ADGRL3: variants seen among roughly 807,000 people sequenced by gnomAD.
The protein encoded by ADGRL3 is adhesion G protein-coupled receptor L3.
Under a neutral mutation model 153.5 loss-of-function variants are expected in ADGRL3, and 62 were observed. That is an observed-to-expected ratio of 0.40 (90% confidence interval 0.33 to 0.50). The LOEUF (loss-of-function observed/expected upper bound fraction) is 0.50, where lower values mean the gene tolerates loss of function less well. Ranked by LOEUF, ADGRL3 falls within the 20% of genes least tolerant of loss-of-function variation. ADGRL3 has a pLI of 0.47. For synonymous variants in ADGRL3, 710 were observed against 672.5 expected (o/e 1.06, Z -0.86); for missense variants, 1,641 against 1,859.4 (o/e 0.88, Z 2.16).
intron 17 of ADGRL3, among the ~76,000 whole-genome samples, chr4:61,951,010 G>T (rs964379609): frequency 6.6e-6 from 1 of 152,066 alleles, no homozygotes; most frequent in Non-Finnish European, 1.5e-5. Context: ...GTGAACTGAA[G>T]AACTTATTAG....
chr4:61,372,245 C>G (rs181367512), intron 1 of ADGRL3, among the ~76,000 whole-genome samples: 2 of 152,190 alleles, frequency 1.3e-5, no homozygotes, highest in Non-Finnish European at 2.9e-5. Context: ...AAGTCATTCT[C>G]CGTCCAGCTT....
At chr4:61,695,215 G>T (rs1389473593) in intron 6 of ADGRL3, among the ~76,000 whole-genome samples, 1 of 152,054 alleles carries the variant, frequency 6.6e-6, no homozygotes, top group Non-Finnish European at 1.5e-5. Context: ...TCACATCAGA[G>T]AAATCACTGT....
intron 24 of ADGRL3, among the ~76,000 whole-genome samples, chr4:62,040,875 G>C (rs1234268568): frequency 6.6e-6 from 1 of 152,012 alleles, no homozygotes. Context: ...CAAAGTCTGA[G>C]TTACAAGATT....
At chr4:61,491,225 G>A (rs185668034) in intron 2 of ADGRL3, among the ~76,000 whole-genome samples, 16 of 152,148 alleles carry the variant, frequency 1.1e-4, no homozygotes, top group Admixed American at 4.6e-4. Context: ...CTGTCACTTC[G>A]TAGGGCATGG....
chr4:61,733,187 T>C lies in ADGRL3; in HGVS notation c.1032T>C (p.Tyr344=), dbSNP rs1470870195. 2 of 1,613,384 alleles carry C rather than the reference T, an allele frequency of 1.2e-6. No homozygotes were observed. The highest frequency in any genetic ancestry group is 3.3e-5 in the Admixed American group (2 of 59,822). ...AVDENGLWVI[Y]ATEQNNGKIV... is the part of the protein sequence containing the mutation. ...ATGAGAATGGGCTATGGGTAATCTATGCAACAGAACAAAACAATGGTAAAA... is the reference window on the plus strand; with the variant it reads ...ATGAGAATGGGCTATGGGTAATCTACGCAACAGAACAAAACAATGGTAAAA... The change falls in exon 8 of 27, where the codon TAT becomes TAC. Residue 344 remains tyrosine, a synonymous_variant. Transcript: ENST00000683033.
At chr4:61,470,701 A>G (rs900909967) in intron 2 of ADGRL3, among the ~76,000 whole-genome samples, 1 of 151,960 alleles carries the variant, frequency 6.6e-6, no homozygotes, top group Non-Finnish European at 1.5e-5. Context: ...GTTCTGTGCT[A>G]TGGTACAATT....
At chr4:61,421,130 C>A (rs886788416) in intron 2 of ADGRL3, among the ~76,000 whole-genome samples, 1 of 152,142 alleles carries the variant, frequency 6.6e-6, no homozygotes, top group East Asian at 1.9e-4. Flanking sequence ...GTCAGGAGAT[C>A]GAGACCATCC....
At chr4:61,335,134 A>AT (rs1452404260) in intron 1 of ADGRL3, among the ~76,000 whole-genome samples, 2 of 152,140 alleles carry the variant, frequency 1.3e-5, no homozygotes, top group African/African-American at 2.4e-5. Context: ...AATTAATAAA[A>AT]TGTTGCGTTA....
At chr4:61,703,100 T>C (rs2095797512) in intron 6 of ADGRL3, among the ~76,000 whole-genome samples, 1 of 152,170 alleles carries the variant, frequency 6.6e-6, no homozygotes, top group South Asian at 2.1e-4. Flanking sequence ...CTTTGTATTT[T>C]ATTATACTAT....
chr4:61,259,247 C>T (rs1365852864), intron 1 of ADGRL3, among the ~76,000 whole-genome samples: 1 of 151,976 alleles, frequency 6.6e-6, no homozygotes, highest in African/African-American at 2.4e-5. Context: ...CACAGTGAAA[C>T]CCCGTCTCTA....
chr4:61,370,260 G>A (rs1465613348), intron 1 of ADGRL3, among the ~76,000 whole-genome samples: 1 of 144,780 alleles, frequency 6.9e-6, no homozygotes, highest in Non-Finnish European at 1.5e-5. Context: ...GTTATTTCTT[G>A]CCTTCTGCTA....
intron 2 of ADGRL3, among the ~76,000 whole-genome samples, chr4:61,493,672 T>G (rs1260348703): frequency 6.6e-6 from 1 of 152,200 alleles, no homozygotes; most frequent in Non-Finnish European, 1.5e-5. Flanking sequence ...CTTCTCTGCG[T>G]GCTTTCCTGC....
intron 1 of ADGRL3, among the ~76,000 whole-genome samples, chr4:61,254,161 A>G (rs1372697416): frequency 2.6e-5 from 4 of 152,152 alleles, no homozygotes; most frequent in Non-Finnish European, 5.9e-5. Context: ...GAGTTCATTT[A>G]CATTCAGCAT....
chr4:61,828,928 C>A (rs1169734288), intron 9 of ADGRL3, among the ~76,000 whole-genome samples: 1 of 152,184 alleles, frequency 6.6e-6, no homozygotes, highest in East Asian at 1.9e-4. Flanking sequence ...TTCTCCTCTT[C>A]CCTTACCATT....
intron 2 of ADGRL3, among the ~76,000 whole-genome samples, chr4:61,440,895 G>A (rs2097522252): frequency 6.6e-6 from 1 of 152,092 alleles, no homozygotes; most frequent in African/African-American, 2.4e-5. Context: ...GTACCCTTTG[G>A]TTTAAATATG....
chr4:61,858,849 G>GTTTCT (rs2098309645), intron 9 of ADGRL3, among the ~76,000 whole-genome samples: 1 of 152,072 alleles, frequency 6.6e-6, no homozygotes, highest in South Asian at 2.1e-4. Flanking sequence ...ACTTAGAAAT[G>GTTTCT]GGAGTTTTCT....
At chr4:61,851,518 A>T (rs1409269273) in intron 9 of ADGRL3, among the ~76,000 whole-genome samples, 1 of 149,446 alleles carries the variant, frequency 6.7e-6, no homozygotes, top group African/African-American at 2.5e-5. Flanking sequence ...GAGCCTGGGA[A>T]GTCAAAGCTG....
rs2099075311 is a variant in ADGRL3 at position 61,983,411 on chromosome 4, T to TA, written c.3045dup (p.His1016ThrfsTer27). ...GCCTGTGCTGTTTTCGCTGCCCTGT[T>TA]ACATTTCTTCTTCTTGGCTGCCTTC... On this transcript the variant is annotated frameshift_variant, in exon 19 of 27. Transcript: ENST00000683033. LOFTEE classifies it high-confidence loss of function. 1 of 1,613,900 alleles carries TA rather than the reference T, an allele frequency of 6.2e-7. No individual in the cohort carries two copies. Among genetic ancestry groups the TA allele is most frequent in the Non-Finnish European group, 8.5e-7 (1 of 1,179,846 alleles).
At chr4:61,582,343 C>A (rs112797034) in intron 4 of ADGRL3, among the ~76,000 whole-genome samples, 3 of 151,920 alleles carry the variant, frequency 2.0e-5, no homozygotes, top group East Asian at 1.9e-4. Flanking sequence ...TCCCTCCCCC[C>A]GCTCCTGCCT....
Sources: gnomAD v4.1 joint callset for allele counts (sites outside exome capture counted in the v4.1 genomes callset) on GRCh38, gnomAD v4.1.1 for gene constraint, MANE v1.5 for transcripts, NCBI Gene and HGNC (gene_info 2026-07-23, HGNC 2026-07-21) for gene names.